Variants in TMC2 observed in about 807,000 individuals in gnomAD.
TMC2 encodes transmembrane channel-like protein 2.
In TMC2, 102 loss-of-function variants were observed where a neutral mutation model predicts 105.9. That is an observed-to-expected ratio of 0.96 (90% confidence interval 0.82 to 1.14). TMC2 has a LOEUF of 1.14. Among genes scored for constraint, TMC2 ranks in the 50% most tolerant of loss-of-function variants. TMC2 has a pLI of 0.00. For synonymous variants in TMC2, 402 were observed against 422.8 expected (o/e 0.95, Z 0.60); for missense variants, 1,093 against 1,134.3 (o/e 0.96, Z 0.52).
rs1318766548 is a variant in TMC2, at chr20:2,586,508, T to C, written c.835-5802T>C. 3.3e-5 allele frequency among the ~76,000 whole-genome samples: 5 copies of C among 152,312 alleles called. No homozygotes were observed. The South Asian group carries it at 8.3e-4, about 25-fold the overall frequency. On this transcript the variant is annotated intron_variant, in intron 7 of 19. Coordinates refer to ENST00000358864, the MANE Select transcript of TMC2 (RefSeq NM_080751.3). ...GTACAGAAAGCAAAGTGCCAGCATC[T>C]GCTTCTGTTAAGGGCCTCAGGAAAC...
intron 14 of TMC2, among the ~76,000 whole-genome samples, chr20:2,615,626 G>A (rs1283141891): frequency 1.3e-5 from 2 of 152,208 alleles, no homozygotes; most frequent in African/African-American, 4.8e-5. Context: ...TTTCCTTTCC[G>A]TGAACTGCTC....
At chr20:2,537,209 T>A (rs1322378900) in intron 1 of TMC2, 60 bp from the exon 2 acceptor site, 1 of 1,481,494 alleles carries the variant, frequency 6.7e-7, no homozygotes, top group Admixed American at 1.9e-5. Context: ...TGACCGGGGG[T>A]CTGCAGGGAG....
intron 2 of TMC2, among the ~76,000 whole-genome samples, chr20:2,545,875 AAG>A (rs1309221346): frequency 1.4e-5 from 2 of 145,892 alleles, no homozygotes; most frequent in Non-Finnish European, 3.0e-5. Context: ...AAAAGAAAGA[AAG>A]AAAAAGAAAG....
intron 10 of TMC2, among the ~76,000 whole-genome samples, chr20:2,597,979 G>T (rs1406939409): frequency 2.6e-5 from 4 of 152,148 alleles, no homozygotes; most frequent in African/African-American, 9.7e-5. Context: ...TCCACTAACA[G>T]AGACTCTGAT....
chr20:2,571,575 T>TCC (rs1228989661), intron 4 of TMC2, among the ~76,000 whole-genome samples: 1 of 152,236 alleles, frequency 6.6e-6, no homozygotes, highest in Admixed American at 6.5e-5. Flanking sequence ...GGTGGGAATG[T>TCC]AAATTAGTTC....
chr20:2,618,632 G>A (rs924789918), intron 16 of TMC2, among the ~76,000 whole-genome samples: 5 of 152,182 alleles, frequency 3.3e-5, no homozygotes, highest in African/African-American at 1.2e-4. Flanking sequence ...ACTAGATATT[G>A]TATAAAAAGA....
chr20:2,635,811 C>T (rs1308573568), intron 17 of TMC2, 115 bp from the exon 18 acceptor site: 4 of 820,624 alleles, frequency 4.9e-6, no homozygotes, highest in African/African-American at 3.4e-5. Context: ...AGGACACCCA[C>T]CCAAAGCCTC....
rs2086511560 is a variant in TMC2 at position 2,619,767 on chromosome 20, T to G, written c.2180+2456T>G. On this transcript the variant is annotated intron_variant, in intron 16 of 19. Coordinates refer to ENST00000358864, the MANE Select transcript of TMC2 (RefSeq NM_080751.3). ...GAAGAAGCCTCTGTTGGCTTCTTCC[T>G]AAGCAAGGTTTGGAGGGCTGGGCCC... Among the ~76,000 whole-genome samples, 5 of 152,322 alleles carry G rather than the reference T, an allele frequency of 3.3e-5. No individual in the cohort carries two copies. In the South Asian group the frequency reaches 1.0e-3, roughly 32 times the overall value.
Position 2,558,178 on chromosome 20 carries a change from T to G in TMC2, c.83-278T>G. On this transcript the variant is annotated intron_variant, in intron 2 of 19. Coordinates refer to ENST00000358864, the MANE Select transcript of TMC2 (RefSeq NM_080751.3). The surrounding 1 kb of genome is among the most constrained non-coding windows in gnomAD (Gnocchi z 4.6). ...CCTCTCTGTGTGACTTTCCTTTCCT[T>G]GGGTATAGGGCAGGACACCTGTCAC... 1.8e-6 allele frequency: 1 copy of G among 553,064 alleles called. No individual in the cohort carries two copies. Among genetic ancestry groups the G allele is most frequent in the East Asian group, 4.0e-5 (1 of 24,830 alleles). The allele number at this position is 553,064 out of a possible 1,614,324, so 34.3% of individuals were successfully genotyped here. A position where few individuals can be genotyped will look rare whatever the true frequency, so the allele number is the denominator to read the frequency against.
intron 7 of TMC2, among the ~76,000 whole-genome samples, chr20:2,581,997 T>C (rs1381003080): frequency 6.6e-6 from 1 of 151,986 alleles, no homozygotes; most frequent in African/African-American, 2.4e-5. Context: ...AGAGATGCTT[T>C]GCTGGAAAGA....
intron 5 of TMC2, among the ~76,000 whole-genome samples, chr20:2,573,026 G>A (rs1244221866): frequency 1.3e-5 from 2 of 149,394 alleles, no homozygotes; most frequent in East Asian, 1.9e-4. Flanking sequence ...TGGCTCAAGA[G>A]CTCACTGCAG....
intron 7 of TMC2, among the ~76,000 whole-genome samples, chr20:2,586,281 T>A (rs1362196196): frequency 6.6e-6 from 1 of 151,974 alleles, no homozygotes; most frequent in Non-Finnish European, 1.5e-5. Flanking sequence ...ACAACAAACA[T>A]AAAATGGTGG....
rs369147611 is a variant in TMC2, at chr20:2,564,549, C to T, written c.554+2539C>T. On this transcript the variant is annotated intron_variant, in intron 4 of 19. Coordinates refer to ENST00000358864, the MANE Select transcript of TMC2 (RefSeq NM_080751.3). ...ACAGCCATCTGTCACTCTAATAGAA[C>T]CTCACTCCCACTCAGGTGTCACCAG... 3.3e-4 allele frequency among the ~76,000 whole-genome samples: 51 copies of T among 152,312 alleles called. No homozygotes were observed. The East Asian group carries it at 7.5e-3, about 23-fold the overall frequency.
chr20:2,635,198 C>T (rs529311845), intron 17 of TMC2, among the ~76,000 whole-genome samples: 2 of 152,316 alleles, frequency 1.3e-5, no homozygotes, highest in Admixed American at 6.5e-5. Context: ...TGGGCTGCAG[C>T]CTCAAAGGAC....
intron 3 of TMC2, among the ~76,000 whole-genome samples, chr20:2,560,294 T>C (rs1461882989): frequency 2.0e-5 from 3 of 151,806 alleles, no homozygotes; most frequent in Admixed American, 2.0e-4. Flanking sequence ...CTCTGTGTTC[T>C]AGGCTTTTCA....
At chr20:2,627,026 A>G (rs2086569561) in intron 17 of TMC2, among the ~76,000 whole-genome samples, 1 of 152,152 alleles carries the variant, frequency 6.6e-6, no homozygotes, top group Admixed American at 6.5e-5. Context: ...GGTTCACATC[A>G]TTGCTAACAG....
chr20:2,560,164 C>T (rs2086015382), intron 3 of TMC2, among the ~76,000 whole-genome samples: 1 of 151,874 alleles, frequency 6.6e-6, no homozygotes. Flanking sequence ...CAGGTGGAAT[C>T]TAAATAAGCA....
In TMC2 at chr20:2,536,967, C is replaced by T. The variant is rs369491543; in HGVS notation, c.35-302C>T. Among the ~76,000 whole-genome samples the T allele has an allele frequency of 3.3e-5, 5 of 152,258 alleles. No homozygotes were observed. In the East Asian group the frequency reaches 5.8e-4, roughly 18 times the overall value. ...GCATGCTCCTCAGAGCCTGCTGGGG[C>T]GTCTCAGCCACCTATTGTCTCGGTT... On this transcript the variant is annotated intron_variant, in intron 1 of 19. Coordinates refer to ENST00000358864, the MANE Select transcript of TMC2 (RefSeq NM_080751.3).
At chr20:2,630,962 C>T (rs1470903401) in intron 17 of TMC2, among the ~76,000 whole-genome samples, 1 of 152,138 alleles carries the variant, frequency 6.6e-6, no homozygotes, top group East Asian at 1.9e-4. Context: ...AATAAGTTAA[C>T]ATTTATGTCT....
Sources: gnomAD v4.1 joint callset for allele counts (sites outside exome capture counted in the v4.1 genomes callset) on GRCh38, gnomAD v4.1.1 for gene constraint, Gnocchi (gnomAD v3.1) non-coding constraint, MANE v1.5 for transcripts, NCBI Gene and HGNC (gene_info 2026-07-23, HGNC 2026-07-21) for gene names.